EBF3: variants seen among roughly 807,000 people sequenced by gnomAD.
EBF3 encodes the protein transcription factor COE3.
Under a neutral mutation model 77.1 loss-of-function variants are expected in EBF3, and 18 were observed. The ratio of observed to expected loss-of-function variants is 0.23; its 90% CI spans 0.16 to 0.35. The LOEUF is 0.35. Ranked by LOEUF, EBF3 falls within the 10% of genes least tolerant of loss-of-function variation. EBF3 has a pLI of 1.00. For synonymous variants in EBF3, 350 were observed against 343.5 expected (o/e 1.02, Z -0.21); for missense variants, 558 against 860.0 (o/e 0.65, Z 4.39).
chr10:129,915,716 T>C (rs1855843142), intron 6 of EBF3, among the ~76,000 whole-genome samples: 1 of 152,188 alleles, frequency 6.6e-6, no homozygotes, highest in African/African-American at 2.4e-5. Context: ...TACGAACACA[T>C]TCCCGCATGG....
chr10:129,855,883 G>T (rs1851219954), intron 10 of EBF3, among the ~76,000 whole-genome samples: 1 of 152,196 alleles, frequency 6.6e-6, no homozygotes, highest in Non-Finnish European at 1.5e-5. Context: ...TCTGAGCAAT[G>T]GATTTGCACA....
At chr10:129,856,870 C>CT (rs1851288293) in intron 10 of EBF3, among the ~76,000 whole-genome samples, 1 of 152,202 alleles carries the variant, frequency 6.6e-6, no homozygotes, top group Admixed American at 6.5e-5. Flanking sequence ...TTTAGTGAAA[C>CT]TAACGTTTCT....
At chr10:129,933,386 G>A (rs537419697) in intron 6 of EBF3, among the ~76,000 whole-genome samples, 1 of 152,356 alleles carries the variant, frequency 6.6e-6, no homozygotes, top group East Asian at 1.9e-4. Flanking sequence ...GAGGACCAGT[G>A]CCGAATAGAA....
At chr10:129,962,339 G>T in intron 3 of EBF3, 113 bp from the exon 4 acceptor site, 1 of 893,190 alleles carries the variant, frequency 1.1e-6, no homozygotes, top group Non-Finnish European at 1.8e-6. Context: ...TGATGCAGCA[G>T]AACTTAGGCA....
At chr10:129,898,609 T>C (rs911046596) in intron 6 of EBF3, among the ~76,000 whole-genome samples, 2 of 152,214 alleles carry the variant, frequency 1.3e-5, no homozygotes, top group Non-Finnish European at 2.9e-5. Context: ...TTTGGTAAAG[T>C]AGCATTTATT....
chr10:129,934,843 C>G (rs1412364171), intron 6 of EBF3, among the ~76,000 whole-genome samples: 3 of 152,162 alleles, frequency 2.0e-5, no homozygotes, highest in Admixed American at 2.0e-4. Context: ...AGCCCAAATT[C>G]ATTCTCTGTG....
intron 7 of EBF3, among the ~76,000 whole-genome samples, chr10:129,875,741 C>T (rs531490212): frequency 1.6e-4 from 24 of 152,320 alleles, no homozygotes; most frequent in African/African-American, 5.5e-4. Flanking sequence ...TGACCACTGC[C>T]CACTGGCTTT....
At chr10:129,910,769 C>T (rs1312145158) in intron 6 of EBF3, among the ~76,000 whole-genome samples, 1 of 152,084 alleles carries the variant, frequency 6.6e-6, no homozygotes, top group Non-Finnish European at 1.5e-5. Flanking sequence ...ACTGAGACAG[C>T]ACCCTAAAAT....
intron 6 of EBF3, among the ~76,000 whole-genome samples, chr10:129,921,230 T>C (rs1856279448): frequency 6.6e-6 from 1 of 152,088 alleles, no homozygotes; most frequent in Non-Finnish European, 1.5e-5. Flanking sequence ...GAAGCAGCTT[T>C]CTCCAGCTGG....
chr10:129,884,235 C>T (rs1014109564), intron 6 of EBF3, among the ~76,000 whole-genome samples: 5 of 152,144 alleles, frequency 3.3e-5, no homozygotes, highest in East Asian at 1.9e-4. Flanking sequence ...TCTAGCCGAT[C>T]GGGTTCGGGC....
At chr10:129,859,249 T>C (rs1851455062) in intron 10 of EBF3, among the ~76,000 whole-genome samples, 1 of 152,198 alleles carries the variant, frequency 6.6e-6, no homozygotes, top group African/African-American at 2.4e-5. Flanking sequence ...AGATGGAGTC[T>C]CAGTCTATCT....
chr10:129,920,554 T>A (rs916306090), intron 6 of EBF3, among the ~76,000 whole-genome samples: 20 of 152,202 alleles, frequency 1.3e-4, no homozygotes, highest in Admixed American at 3.9e-4. Context: ...TGGACACCAC[T>A]GATGGGATAG....
Position 129,897,573 on chromosome 10 carries a change from T to C in EBF3, c.555-19724A>G, listed in dbSNP as rs933576368. Reference sequence around the variant, plus strand: ...CAGAGGAAACCCAGCACACGACCCTTTTATCCGAGAGGCGAAGCCCGGGAA... The same window carrying C: ...CAGAGGAAACCCAGCACACGACCCTCTTATCCGAGAGGCGAAGCCCGGGAA... On this transcript the variant is annotated intron_variant, in intron 6 of 16. Transcript: ENST00000440978. The surrounding 1 kb of genome is among the most constrained non-coding windows in gnomAD (Gnocchi z 4.6). Among the ~76,000 whole-genome samples, 3 of 151,762 alleles carry C rather than the reference T, an allele frequency of 2.0e-5. No individual in the cohort carries two copies. The highest frequency in any genetic ancestry group is 2.1e-4 in the South Asian group (1 of 4,786).
At chr10:129,948,127 G>A (rs674528) in intron 6 of EBF3, among the ~76,000 whole-genome samples, 6,374 of 151,936 alleles carry the variant, frequency 0.042, 442 homozygotes, top group African/African-American at 0.14. Context: ...GTGTGGTGGC[G>A]CATGCCTGTA....
At chr10:129,858,776 G>A (rs1428792375) in intron 10 of EBF3, among the ~76,000 whole-genome samples, 1 of 152,176 alleles carries the variant, frequency 6.6e-6, no homozygotes, top group Non-Finnish European at 1.5e-5. Flanking sequence ...AGAGGCTCCA[G>A]GGCTCACTGT....
intron 5 of EBF3, 21 bp downstream of exon 5, chr10:129,958,913 C>G: frequency 6.3e-7 from 1 of 1,582,548 alleles, no homozygotes; most frequent in Non-Finnish European, 8.6e-7. Context: ...GCGCCCCCGC[C>G]GCCCGCCGCC....
chr10:129,952,938 T>C lies in EBF3; in HGVS notation c.554+4320A>G, dbSNP rs1181834570. On this transcript the variant is annotated intron_variant, in intron 6 of 16. Transcript: ENST00000440978. This position sits in a 1 kb window ranked among gnomAD's most constrained non-coding sequence, Gnocchi z 4.7. ...CACAACTGTGTGTGCTGACAAAAAG[T>C]CAATCCCATGAATAATTCAGTGAGC... Among the ~76,000 whole-genome samples the C allele has an allele frequency of 6.6e-6, 1 of 150,502 alleles. No homozygotes were observed. Among genetic ancestry groups the C allele is most frequent in the African/African-American group, 2.5e-5 (1 of 40,786 alleles).
chr10:129,955,532 A>C (rs557930384), intron 6 of EBF3, among the ~76,000 whole-genome samples: 1 of 152,382 alleles, frequency 6.6e-6, no homozygotes, highest in Admixed American at 6.5e-5. Context: ...CAAATATAAG[A>C]CAACATTCAG....
intron 10 of EBF3, among the ~76,000 whole-genome samples, chr10:129,860,419 T>C (rs1467534435): frequency 6.6e-6 from 1 of 152,208 alleles, no homozygotes; most frequent in Non-Finnish European, 1.5e-5. Flanking sequence ...TTGGGGAAGA[T>C]GAATGGCCGT....
Sources: gnomAD v4.1 joint callset for allele counts (sites outside exome capture counted in the v4.1 genomes callset) on GRCh38, gnomAD v4.1.1 for gene constraint, Gnocchi (gnomAD v3.1) non-coding constraint, MANE v1.5 for transcripts, NCBI Gene and HGNC (gene_info 2026-07-23, HGNC 2026-07-21) for gene names.